The following GLRA2 variants were observed in gnomAD, a reference collection of about 807,000 sequenced individuals.
The protein encoded by GLRA2 is glycine receptor subunit alpha-2.
In GLRA2, 11 loss-of-function variants were observed where a neutral mutation model predicts 31.6. That is an observed-to-expected ratio of 0.35 (90% CI 0.22 to 0.58). GLRA2 has a LOEUF of 0.58. Among genes scored for constraint, GLRA2 ranks in the 20% least tolerant of loss-of-function variants. The probability of loss-of-function intolerance (pLI) is 0.84; values close to 1 mark genes in which losing one functional copy is unlikely to be tolerated. For synonymous variants in GLRA2, 132 were observed against 134.0 expected (o/e 0.99, Z 0.10); for missense variants, 212 against 351.8 (o/e 0.60, Z 3.18).
At chrX:14,622,909 G>A (rs1210913723) in intron 7 of GLRA2, among the ~76,000 whole-genome samples, 1 of 111,717 alleles carries the variant, frequency 9.0e-6, no homozygotes, top group East Asian at 2.8e-4. Context: ...GCTTGAAGGG[G>A]ATGGCATTGA....
At chrX:14,587,909 T>C (rs1323349756) in intron 4 of GLRA2, among the ~76,000 whole-genome samples, 2 of 110,358 alleles carry the variant, frequency 1.8e-5, no homozygotes, top group East Asian at 5.6e-4. Flanking sequence ...TCTAGGATTT[T>C]TTTTTTTTTT....
At chrX:14,499,816 A>G in the GLRA2 span, among the ~76,000 whole-genome samples, 1 of 111,128 alleles carries the variant, frequency 9.0e-6, no homozygotes, top group Non-Finnish European at 1.9e-5. Context: ...GTAATCTTGT[A>G]TGATAACAAA....
At chrX:14,504,048 G>C in the GLRA2 span, among the ~76,000 whole-genome samples, 3 of 111,296 alleles carry the variant, frequency 2.7e-5, no homozygotes, top group African/African-American at 9.8e-5. Flanking sequence ...TCCTCCTCCA[G>C]TCTTTTTTTC....
chrX:14,708,314 G>A (rs1258569137), intron 8 of GLRA2, among the ~76,000 whole-genome samples: 2 of 111,377 alleles, frequency 1.8e-5, no homozygotes, highest in South Asian at 3.8e-4. Flanking sequence ...GGTGGATCAG[G>A]CCAGGTAAAC....
chrX:14,676,567 A>G (rs745351384), intron 7 of GLRA2, among the ~76,000 whole-genome samples: 12 of 112,072 alleles, frequency 1.1e-4, no homozygotes, highest in Non-Finnish European at 2.1e-4. Flanking sequence ...TTGGCACATT[A>G]TCACATGGAA....
At chrX:14,559,997 AC>A (rs1428637023) in intron 2 of GLRA2, among the ~76,000 whole-genome samples, 1 of 111,467 alleles carries the variant, frequency 9.0e-6, no homozygotes, top group Non-Finnish European at 1.9e-5. Flanking sequence ...GCACCATGCA[AC>A]GCAGGAAGCC....
the GLRA2 span, among the ~76,000 whole-genome samples, chrX:14,518,253 C>T: frequency 1.8e-5 from 2 of 111,942 alleles, no homozygotes; most frequent in Non-Finnish European, 3.8e-5. Context: ...TTAGTTATAA[C>T]CTTTTTACAT....
rs529389418 is a variant in GLRA2, at chrX:14,691,974, A to T, written c.1080+1115A>T. ...ACTCTGTTGGAATGAAAACAAAAAT[A>T]TTTCACAGTCCCTATTAATGCTGCA... On this transcript the variant is annotated intron_variant, in intron 8 of 8. Transcript: ENST00000218075. 4.5e-5 allele frequency among the ~76,000 whole-genome samples: 5 copies of T among 112,234 alleles called. No homozygotes were observed. In the South Asian group the frequency reaches 1.8e-3, roughly 41 times the overall value.
intron 7 of GLRA2, among the ~76,000 whole-genome samples, chrX:14,642,655 C>T (rs1017844574): frequency 9.1e-6 from 1 of 109,985 alleles, no homozygotes; most frequent in African/African-American, 3.3e-5. Context: ...TATTATATAT[C>T]CATATAGCAT....
At chrX:14,582,384 G>A (rs1043526317) in intron 4 of GLRA2, among the ~76,000 whole-genome samples, 1 of 109,344 alleles carries the variant, frequency 9.1e-6, no homozygotes, top group Non-Finnish European at 1.9e-5. Flanking sequence ...TGTCCCTACA[G>A]AGGACGTGAA....
chrX:14,610,999 G>T (rs1194056424), intron 7 of GLRA2, among the ~76,000 whole-genome samples: 1 of 112,075 alleles, frequency 8.9e-6, no homozygotes, highest in African/African-American at 3.2e-5. Flanking sequence ...ACTCATGGTG[G>T]TTATCCTTTT....
chrX:14,657,183 TTTAGAGCAC>T (rs1327193902), intron 7 of GLRA2, among the ~76,000 whole-genome samples: 3 of 112,108 alleles, frequency 2.7e-5, no homozygotes, highest in Non-Finnish European at 5.6e-5. Context: ...GTATCAAAGC[TTTAGAGCAC>T]TTATGGGAAA....
At chrX:14,576,230 C>T (rs777985275) in intron 3 of GLRA2, among the ~76,000 whole-genome samples, 2 of 111,280 alleles carry the variant, frequency 1.8e-5, no homozygotes, top group Non-Finnish European at 3.8e-5. Context: ...AATTCAACTC[C>T]ATTACCCATT....
At chrX:14,603,468 G>T (rs987237222) in intron 4 of GLRA2, among the ~76,000 whole-genome samples, 23 of 111,372 alleles carry the variant, frequency 2.1e-4, no homozygotes, top group African/African-American at 6.8e-4. Flanking sequence ...AAATGGTGCT[G>T]GGATAATTGG....
the GLRA2 span, among the ~76,000 whole-genome samples, chrX:14,477,458 C>T: frequency 9.0e-6 from 1 of 111,418 alleles, no homozygotes; most frequent in African/African-American, 3.3e-5. Flanking sequence ...CTAGGTTATC[C>T]ACCAATAATT....
chrX:14,624,186 AG>A (rs878902086), intron 7 of GLRA2, among the ~76,000 whole-genome samples: 1 of 111,440 alleles, frequency 9.0e-6, no homozygotes, highest in African/African-American at 3.3e-5. Context: ...CTGTGGGATC[AG>A]TGGTGATATC....
chrX:14,496,568 A>T, the GLRA2 span, among the ~76,000 whole-genome samples: 1 of 111,953 alleles, frequency 8.9e-6, no homozygotes, highest in Non-Finnish European at 1.9e-5. Flanking sequence ...GCTTTCCAAC[A>T]TTATCTTAAT....
At chrX:14,713,925 A>G (rs772495462) in intron 8 of GLRA2, among the ~76,000 whole-genome samples, 17 of 111,271 alleles carry the variant, frequency 1.5e-4, no homozygotes, top group Non-Finnish European at 3.0e-4. Flanking sequence ...AATAGACACT[A>G]TTGTTGGGAG....
the GLRA2 span, among the ~76,000 whole-genome samples, chrX:14,499,326 A>G: frequency 2.2e-4 from 24 of 111,350 alleles, no homozygotes; most frequent in African/African-American, 7.2e-4. Flanking sequence ...ATGACATTTC[A>G]TTGTGGTTTT....
Sources: gnomAD v4.1 joint callset for allele counts (sites outside exome capture counted in the v4.1 genomes callset) on GRCh38, gnomAD v4.1.1 for gene constraint, MANE v1.5 for transcripts, NCBI Gene and HGNC (gene_info 2026-07-23, HGNC 2026-07-21) for gene names.